ACYP2: variants seen among roughly 807,000 people sequenced by gnomAD.
The protein encoded by ACYP2 is acylphosphatase 2.
A neutral mutation model predicts 11.2 loss-of-function variants in ACYP2; 12 were observed. The observed-to-expected ratio is 1.08, with a 90% CI of 0.69 to 1.74. The LOEUF is 1.74. Ranked by LOEUF, ACYP2 falls within the 40% of genes most tolerant of loss-of-function variation. ACYP2 has a pLI of 0.00. For synonymous variants in ACYP2, 43 were observed against 32.2 expected, an observed-to-expected ratio of 1.33 and a Z score of -1.13; for missense variants, 134 against 101.9, an observed-to-expected ratio of 1.31 and a Z score of -1.35.
intron 4 of ACYP2, among the ~76,000 whole-genome samples, chr2:54,060,493 C>G (rs1047832411): frequency 6.6e-6 from 1 of 151,980 alleles, no homozygotes; most frequent in African/African-American, 2.4e-5. Flanking sequence ...GTTCCTTTTA[C>G]TGTCTTTGTT....
intron 6 of ACYP2, among the ~76,000 whole-genome samples, chr2:54,153,762 G>A (rs1489759683): frequency 6.6e-6 from 1 of 151,734 alleles, no homozygotes; most frequent in African/African-American, 2.4e-5. Flanking sequence ...ACCACACCCG[G>A]CTAATTTTTT....
chr2:54,003,056 C>G (rs1236601268), intron 2 of ACYP2, among the ~76,000 whole-genome samples: 1 of 152,102 alleles, frequency 6.6e-6, no homozygotes, highest in Non-Finnish European at 1.5e-5. Flanking sequence ...CAAGTGAATA[C>G]TTGTGCCTCA....
chr2:54,051,840 T>G, intron 3 of ACYP2: 2 of 332,288 alleles, frequency 6.0e-6, no homozygotes, highest in South Asian at 5.7e-5. Context: ...AGGTCAGGAG[T>G]TTGAGACCAG....
At chr2:54,118,725 G>A (rs1679963808) in intron 4 of ACYP2, among the ~76,000 whole-genome samples, 1 of 152,180 alleles carries the variant, frequency 6.6e-6, no homozygotes, top group African/African-American at 2.4e-5. Flanking sequence ...AAATAGTGGG[G>A]TTTAAAAAGT....
chr2:54,038,800 T>TAA lies in ACYP2; in HGVS notation c.63-12142_63-12141dup, dbSNP rs372376830. 3.6e-3 allele frequency among the ~76,000 whole-genome samples: 372 copies of TAA among 104,370 alleles called. 4 individuals are homozygous for TAA. Among genetic ancestry groups the TAA allele is most frequent in the Middle Eastern group, 0.016 (3 of 188 alleles). 68.5% of individuals were successfully genotyped at this position (104,370 alleles called of 152,430 possible). ...CTCACATTTTGGTTGTCAGAATAGG[T>TAA]AAAAAAAAAAAAAAAAAGATAAATA... On this transcript the variant is annotated intron_variant, in intron 2 of 6. Coordinates refer to ENST00000607452, the MANE Select transcript of ACYP2 (RefSeq NM_001320586.2).
At chr2:54,145,012 GT>G (rs527758978) in intron 6 of ACYP2, among the ~76,000 whole-genome samples, 2 of 151,900 alleles carry the variant, frequency 1.3e-5, no homozygotes, top group African/African-American at 4.8e-5. Flanking sequence ...CCTGAATACA[GT>G]TTTTTTCTTT....
At chr2:54,165,531 TCTCTCACACA>T (rs1241942173) in intron 6 of ACYP2, among the ~76,000 whole-genome samples, 14 of 119,564 alleles carry the variant, frequency 1.2e-4, no homozygotes, top group African/African-American at 3.7e-4. Context: ...TCTCTCTCTC[TCTCTCACACA>T]CACACACACA....
At chr2:54,271,053 A>T (rs1469081144) in intron 6 of ACYP2, among the ~76,000 whole-genome samples, 1 of 152,220 alleles carries the variant, frequency 6.6e-6, no homozygotes, top group East Asian at 1.9e-4. Context: ...CTGAGGCAAG[A>T]TGCTTCTTGC....
chr2:54,155,842 G>A (rs562910745), intron 6 of ACYP2, among the ~76,000 whole-genome samples: 1 of 152,098 alleles, frequency 6.6e-6, no homozygotes, highest in African/African-American at 2.4e-5. Context: ...TTAGTAACAT[G>A]TTAATTTCCA....
At chr2:54,065,662 G>T (rs755430436) in intron 4 of ACYP2, 24 of 395,626 alleles carry the variant, frequency 6.1e-5, no homozygotes, top group Non-Finnish European at 1.0e-4. Context: ...CATCTGTCAC[G>T]CATGGGCTTT....
rs189531693 is a variant in ACYP2 at position 54,023,785 on chromosome 2, C to T, written c.63-27173C>T. ...CTCTGAACAGACCAATAACAAGCAG[C>T]GAGATTGAAATGGTAATAAAAAAAT... is the stretch of plus-strand genomic sequence containing the variant. On this transcript the variant is annotated intron_variant, in intron 2 of 6. Transcript: ENST00000607452. Among the ~76,000 whole-genome samples the T allele has an allele frequency of 9.2e-5, 14 of 152,010 alleles. No individual in the cohort carries two copies. In the East Asian group the frequency reaches 1.9e-3, roughly 21 times the overall value.
chr2:54,204,378 A>AT (rs1264154584), intron 6 of ACYP2, among the ~76,000 whole-genome samples: 1 of 150,818 alleles, frequency 6.6e-6, no homozygotes, highest in Non-Finnish European at 1.5e-5. Flanking sequence ...GCCCAACGCA[A>AT]TTTTTCTTCT....
chr2:54,012,652 C>T (rs777659308), intron 2 of ACYP2, among the ~76,000 whole-genome samples: 3 of 152,172 alleles, frequency 2.0e-5, no homozygotes, highest in Non-Finnish European at 4.4e-5. Flanking sequence ...CTATCCTCAG[C>T]TCCTCTGTTA....
chr2:54,233,317 T>C (rs978739961), intron 6 of ACYP2, among the ~76,000 whole-genome samples: 2 of 150,826 alleles, frequency 1.3e-5, no homozygotes, highest in African/African-American at 2.4e-5. Flanking sequence ...TTTTTTTTTT[T>C]TTTTTTTGAG....
intron 4 of ACYP2, chr2:54,123,433 C>G (rs1186642831): frequency 5.0e-6 from 2 of 398,382 alleles, no homozygotes; most frequent in Non-Finnish European, 8.8e-6. Context: ...ACATCATAGT[C>G]CTGTTTTCTG....
At chr2:54,187,984 A>G (rs970242448) in intron 6 of ACYP2, among the ~76,000 whole-genome samples, 7 of 152,186 alleles carry the variant, frequency 4.6e-5, no homozygotes, top group East Asian at 1.9e-4. Context: ...CCACTGGAGA[A>G]CACAGCCTTC....
In ACYP2 at chr2:54,266,590, C is replaced by CTTTTTTT. The variant is rs138812389; in HGVS notation, c.405-38071_405-38065dup. 9.2e-3 allele frequency among the ~76,000 whole-genome samples: 481 copies of CTTTTTTT among 52,264 alleles called. 81 individuals carry two copies. The highest frequency in any genetic ancestry group is 0.011 in the Non-Finnish European group (343 of 29,940). The allele number at this position is 52,264 out of a possible 152,430, so 34.3% of individuals were successfully genotyped here. On this transcript the variant is annotated intron_variant, in intron 6 of 6. Coordinates refer to ENST00000607452, the MANE Select transcript of ACYP2 (RefSeq NM_001320586.2). ...TAGATAGATATAGATATCTATCTATCTTTTTTTTTTTTTTTTTTTTTTTTT... is the reference window on the plus strand; with the variant it reads ...TAGATAGATATAGATATCTATCTATCTTTTTTTTTTTTTTTTTTTTTTTTTTTTTTTT...
intron 4 of ACYP2, among the ~76,000 whole-genome samples, chr2:54,111,012 G>C (rs1341192998): frequency 1.3e-5 from 2 of 152,234 alleles, no homozygotes; most frequent in African/African-American, 4.8e-5. Context: ...ATGGGAGGGA[G>C]GGATGTGGTC....
intron 2 of ACYP2, among the ~76,000 whole-genome samples, chr2:53,989,748 G>A (rs1045327005): frequency 3.9e-5 from 6 of 152,092 alleles, no homozygotes; most frequent in Admixed American, 1.3e-4. Context: ...TTGGATCTGT[G>A]GTAGCTCTAG....
Sources: allele counts gnomAD v4.1 joint callset (sites outside exome capture counted in the v4.1 genomes callset), GRCh38; gene constraint gnomAD v4.1.1; transcripts MANE v1.5; gene names NCBI Gene and HGNC (gene_info 2026-07-23, HGNC 2026-07-21).